Variants in SLC28A1 observed in about 807,000 individuals in gnomAD.
SLC28A1 encodes sodium/nucleoside cotransporter 1.
In SLC28A1, 64 loss-of-function variants were observed where a neutral mutation model predicts 74.8. The ratio of observed to expected loss-of-function variants is 0.86; its 90% CI spans 0.70 to 1.05. SLC28A1 has a LOEUF of 1.05. Ranked by LOEUF, SLC28A1 falls within the 50% of genes least tolerant of loss-of-function variation. SLC28A1 has a pLI of 0.00. For synonymous variants in SLC28A1, 359 were observed against 335.0 expected (o/e 1.07, Z -0.78); for missense variants, 828 against 822.8 (o/e 1.01, Z -0.08).
intron 15 of SLC28A1, among the ~76,000 whole-genome samples, chr15:84,935,864 G>A (rs1300469982): frequency 6.6e-6 from 1 of 151,878 alleles, no homozygotes; most frequent in African/African-American, 2.4e-5. Context: ...TACTCCAAAG[G>A]CATACACATG....
chr15:84,907,892 A>G (rs1336015077), intron 8 of SLC28A1, among the ~76,000 whole-genome samples: 1 of 152,134 alleles, frequency 6.6e-6, no homozygotes, highest in Non-Finnish European at 1.5e-5. Context: ...TTTTCTGGTC[A>G]TGTCCCCATT....
chr15:84,894,841 A>G (rs1436936222), intron 5 of SLC28A1, 99 bp from the exon 6 acceptor site: 2 of 1,222,866 alleles, frequency 1.6e-6, no homozygotes, highest in Non-Finnish European at 2.4e-6. Flanking sequence ...CCTGCCCTCC[A>G]CGCTCTGGGT....
At chr15:84,929,908 G>A (rs1351271336) in intron 12 of SLC28A1, among the ~76,000 whole-genome samples, 2 of 152,144 alleles carry the variant, frequency 1.3e-5, no homozygotes, top group Non-Finnish European at 2.9e-5. Flanking sequence ...GGGATGCTAG[G>A]ATGGAAGGCT....
At chr15:84,885,000 C>G (rs772494866) in intron 1 of SLC28A1, among the ~76,000 whole-genome samples, 1 of 152,100 alleles carries the variant, frequency 6.6e-6, no homozygotes, top group Non-Finnish European at 1.5e-5. Context: ...GCTCTGTTGC[C>G]GAGGCTGGAG....
chr15:84,904,209 C>T lies in SLC28A1; in HGVS notation c.574C>T (p.Leu192Phe), dbSNP rs763163087. 7 of 1,614,036 alleles carry T rather than the reference C, an allele frequency of 4.3e-6. No homozygotes were observed. The highest frequency in any genetic ancestry group is 5.9e-6 in the Non-Finnish European group (7 of 1,180,052). Residue 192 changes from leucine (L) to phenylalanine (F), a missense_variant, in exon 7 of 19, where the codon CTC becomes TTC. Physicochemically the swap from Leu to Phe is conservative, Grantham distance 22. This residue lies in a region of SLC28A1 where 767 missense variants were observed against 753.5 expected (regional missense o/e 1.02). Transcript: ENST00000394573. The part of the protein sequence containing the change: ...FAGICVFVAL[L>F]FACSKHHCAV... Reference sequence around the variant, plus strand: ...AGGAATCTGCGTGTTCGTCGCTCTCCTCTTTGCCTGCTCAAAGCATCATTG... The same window carrying T: ...AGGAATCTGCGTGTTCGTCGCTCTCTTCTTTGCCTGCTCAAAGCATCATTG...
chr15:84,960,279 A>G, the SLC28A1 span, among the ~76,000 whole-genome samples: 1 of 93,372 alleles, frequency 1.1e-5, no homozygotes, highest in South Asian at 3.9e-4. Flanking sequence ...TTTTTGAGAC[A>G]AGGTCTTGCT....
chr15:84,952,445 A>G, the SLC28A1 span, among the ~76,000 whole-genome samples: 2 of 152,186 alleles, frequency 1.3e-5, no homozygotes. Context: ...CCTTGCATCC[A>G]ATGACTCCAT....
At chr15:84,910,602 C>T (rs933629376) in intron 9 of SLC28A1, among the ~76,000 whole-genome samples, 2 of 152,186 alleles carry the variant, frequency 1.3e-5, no homozygotes, top group African/African-American at 4.8e-5. Context: ...GTGGTGCATG[C>T]CTGTAATCCC....
At chr15:84,906,499 GGTTTGTTTGTTTGTTTGTTTGTTTGTTT>G (rs141096497) in intron 8 of SLC28A1, among the ~76,000 whole-genome samples, 4 of 117,124 alleles carry the variant, frequency 3.4e-5, no homozygotes, top group African/African-American at 1.2e-4. Flanking sequence ...ATTAAAACAT[GGTTTGTTTGTTTGTTTGTTTGTTTGTTT>G]GTTTCTTTCT....
chr15:84,970,776 T>C, the SLC28A1 span, among the ~76,000 whole-genome samples: 1 of 152,018 alleles, frequency 6.6e-6, no homozygotes, highest in Non-Finnish European at 1.5e-5. Context: ...GGCAGGAGGA[T>C]TGCTTGAACC....
At chr15:84,912,840 AC>A (rs1567151188) in intron 9 of SLC28A1, among the ~76,000 whole-genome samples, 126 of 129,318 alleles carry the variant, frequency 9.7e-4, no homozygotes, top group East Asian at 9.7e-3. Context: ...ACACACACAC[AC>A]ACACACAGAT....
rs1158921556 is a variant in SLC28A1, at chr15:84,944,805, G to A, written c.1812G>A (p.Leu604=). 1 of 1,614,026 alleles carries A rather than the reference G, an allele frequency of 6.2e-7. No individual in the cohort carries two copies. Among genetic ancestry groups the A allele is most frequent in the Non-Finnish European group, 8.5e-7 (1 of 1,180,006 alleles). Residue 604 remains leucine, a synonymous_variant, in exon 18 of 19, where the codon TTG becomes TTA. Transcript: ENST00000394573. ...RGAEVDCMSL[L]NTTLSSSSFE... ...CTGAAGTTGACTGCATGTCCCTCTT[G>A]AACACGACCCTCAGCAGCAGTAGCT...
At position 84,886,733 on chromosome 15, in the gene SLC28A1, C is replaced by T. The variant is rs1464813090; in HGVS notation, c.-71C>T. ...AAGCAGGTTGGACCCAGCTTGTCCC[C>T]ACAGAGACGTGTGCTTCCCTCTCTC... On this transcript the variant is annotated 5_prime_UTR_variant, in exon 2 of 19. Transcript: ENST00000394573. 2 of 985,500 alleles carry T rather than the reference C, an allele frequency of 2.0e-6. No individual in the cohort carries two copies. Among genetic ancestry groups the T allele is most frequent in the Non-Finnish European group, 2.4e-6 (2 of 829,952 alleles). The allele number at this position is 985,500 out of a possible 1,614,324, so 61.0% of individuals were successfully genotyped here.
chr15:84,956,260 C>T, the SLC28A1 span, among the ~76,000 whole-genome samples: 1 of 152,158 alleles, frequency 6.6e-6, no homozygotes, highest in Non-Finnish European at 1.5e-5. Context: ...TCCCTTTCTC[C>T]TCCCAACATG....
chr15:84,961,885 T>C, the SLC28A1 span, among the ~76,000 whole-genome samples: 1 of 152,106 alleles, frequency 6.6e-6, no homozygotes, highest in African/African-American at 2.4e-5. Context: ...TGGGGCAAGA[T>C]GATTCATTGA....
chr15:84,910,544 C>T (rs1239557909), intron 9 of SLC28A1, among the ~76,000 whole-genome samples: 1 of 152,158 alleles, frequency 6.6e-6, no homozygotes, highest in Non-Finnish European at 1.5e-5. Context: ...GCCTGACCAA[C>T]ATGGAGAAAC....
chr15:84,928,597 TC>T lies in SLC28A1; in HGVS notation c.1083+4488del, dbSNP rs1970865771. 2.7e-4 allele frequency among the ~76,000 whole-genome samples: 6 copies of T among 22,614 alleles called. 1 individual carries two copies. Among genetic ancestry groups the T allele is most frequent in the African/African-American group, 1.5e-3 (4 of 2,602 alleles). 14.8% of individuals were successfully genotyped at this position (22,614 alleles called of 152,430 possible). Reference sequence around the variant, plus strand: ...TTCTTTCTTTCTTTCTTTCTTTCTTTCTTTCTTTTCTTTCTTTCTTTTCTTT... The same window carrying T: ...TTCTTTCTTTCTTTCTTTCTTTCTTTTTTCTTTTCTTTCTTTCTTTTCTTT... On this transcript the variant is annotated intron_variant, in intron 12 of 18. Coordinates refer to ENST00000394573, the MANE Select transcript of SLC28A1 (RefSeq NM_004213.5).
intron 15 of SLC28A1, among the ~76,000 whole-genome samples, chr15:84,941,767 G>T (rs1486201902): frequency 6.6e-6 from 1 of 151,920 alleles, no homozygotes; most frequent in South Asian, 2.1e-4. Flanking sequence ...AGCTACTTGG[G>T]AGGCTGAAGC....
At chr15:84,929,341 T>G (rs1252981030) in intron 12 of SLC28A1, among the ~76,000 whole-genome samples, 1 of 151,832 alleles carries the variant, frequency 6.6e-6, no homozygotes. Context: ...GGTCAGGAGT[T>G]CAAGACCAGC....
Sources: allele counts gnomAD v4.1 joint callset (sites outside exome capture counted in the v4.1 genomes callset), GRCh38; gene constraint gnomAD v4.1.1; regional missense constraint gnomAD v4.1.1; transcripts MANE v1.5; gene names NCBI Gene and HGNC (gene_info 2026-07-23, HGNC 2026-07-21).